The following PRDM5 variants were observed in gnomAD, a reference collection of about 807,000 sequenced individuals.
The protein encoded by PRDM5 is PR/SET domain 5.
A neutral mutation model predicts 81.2 loss-of-function variants in PRDM5; 56 were observed. The ratio of observed to expected loss-of-function variants is 0.69; its 90% confidence interval spans 0.56 to 0.86. The LOEUF (loss-of-function observed/expected upper bound fraction) is 0.86, where lower values mean the gene tolerates loss of function less well. Ranked by LOEUF, PRDM5 falls within the 40% of genes least tolerant of loss-of-function variation. The pLI, the probability that PRDM5 is intolerant of heterozygous loss-of-function variation, is 0.00. For synonymous variants in PRDM5, 267 were observed against 256.4 expected (o/e 1.04, Z -0.39); for missense variants, 697 against 770.1 (o/e 0.91, Z 1.12).
rs1359031479 is a variant in PRDM5 at position 120,887,854 on chromosome 4, G to A, written c.177+19620C>T. 2.8e-5 allele frequency among the ~76,000 whole-genome samples: 3 copies of A among 105,824 alleles called. 1 individual carries two copies. Among genetic ancestry groups the A allele is most frequent in the Admixed American group, 9.0e-5 (1 of 11,126 alleles). The allele number at this position is 105,824 out of a possible 152,430, so 69.4% of individuals were successfully genotyped here. A position where few individuals can be genotyped will look rare whatever the true frequency, so the allele number is the denominator to read the frequency against. ...GTCGCCCAGGCTGGAGTGCAGTGGC[G>A]CAATCTCGGCTCACTGCAAGCTCCG... On this transcript the variant is annotated intron_variant, in intron 2 of 15. Coordinates refer to ENST00000264808, the MANE Select transcript of PRDM5 (RefSeq NM_018699.4).
At chr4:120,750,121 T>A (rs1438667138) in intron 14 of PRDM5, among the ~76,000 whole-genome samples, 1 of 151,508 alleles carries the variant, frequency 6.6e-6, no homozygotes, top group African/African-American at 2.5e-5. Context: ...TGCATTTAAT[T>A]GGATTTAATT....
intron 2 of PRDM5, among the ~76,000 whole-genome samples, chr4:120,859,182 C>T (rs1760267463): frequency 6.6e-6 from 1 of 151,466 alleles, no homozygotes; most frequent in African/African-American, 2.4e-5. Context: ...TTCAATGGCA[C>T]AGCTGGGAAC....
At chr4:120,718,698 G>A (rs1209032366) in intron 14 of PRDM5, among the ~76,000 whole-genome samples, 2 of 152,192 alleles carry the variant, frequency 1.3e-5, no homozygotes, top group Non-Finnish European at 2.9e-5. Context: ...AAATCCATGA[G>A]GCACAGATTT....
chr4:120,798,796 C>T (rs1205708596), intron 9 of PRDM5, among the ~76,000 whole-genome samples: 1 of 152,178 alleles, frequency 6.6e-6, no homozygotes, highest in African/African-American at 2.4e-5. Context: ...GAGCTGCCTT[C>T]CCCCAGGGCC....
At chr4:120,905,215 A>G (rs1765662910) in intron 2 of PRDM5, among the ~76,000 whole-genome samples, 1 of 152,118 alleles carries the variant, frequency 6.6e-6, no homozygotes, top group Admixed American at 6.5e-5. Context: ...CACTGAAGAA[A>G]CCTTTCAGAA....
At position 120,916,965 on chromosome 4, in the gene PRDM5, T is replaced by C. The variant is rs138759602; in HGVS notation, c.93+5551A>G. Among the ~76,000 whole-genome samples the C allele has an allele frequency of 4.3e-3, 660 of 152,360 alleles. 6 individuals are homozygous for C. The highest frequency in any genetic ancestry group is 0.016 in the African/African-American group (649 of 41,576). On this transcript the variant is annotated intron_variant, in intron 1 of 15. Transcript: ENST00000264808. The stretch of plus-strand genomic sequence containing the variant: ...TTACACACTTGCCCTGTGGCAAACT[T>C]TTCTCAACAGAACAGCCAGAGTCAT...
chr4:120,819,610 T>C (rs1006648527), intron 4 of PRDM5, among the ~76,000 whole-genome samples: 7 of 152,168 alleles, frequency 4.6e-5, no homozygotes, highest in Non-Finnish European at 7.3e-5. Flanking sequence ...AAGTTTCTGT[T>C]GATTCTTTTT....
chr4:120,725,236 C>T (rs572873412), intron 14 of PRDM5, among the ~76,000 whole-genome samples: 1 of 150,406 alleles, frequency 6.6e-6, no homozygotes, highest in East Asian at 1.9e-4. Context: ...AGAAAATTAG[C>T]ATCTTTACTA....
intron 14 of PRDM5, among the ~76,000 whole-genome samples, chr4:120,744,917 C>T (rs2149121710): frequency 8.4e-6 from 1 of 118,862 alleles, no homozygotes; most frequent in East Asian, 2.4e-4. Context: ...GGGAATCCTC[C>T]CTAACTCATT....
intron 14 of PRDM5, among the ~76,000 whole-genome samples, chr4:120,732,465 T>C (rs76491248): frequency 0.07 from 10,662 of 152,202 alleles, 481 homozygotes; most frequent in South Asian, 0.16. Flanking sequence ...CAAATTCCAA[T>C]AGTAATAACA....
At position 120,798,260 on chromosome 4, in the gene PRDM5, GT is replaced by G; in HGVS notation, c.1188+6del. 6.5e-7 allele frequency: 1 copy of G among 1,542,386 alleles called. No homozygotes were observed. The highest frequency in any genetic ancestry group is 8.8e-7 in the Non-Finnish European group (1 of 1,138,922). On this transcript the variant is annotated splice_donor_region_variant and intron_variant, in intron 10 of 15. Coordinates refer to ENST00000264808, the MANE Select transcript of PRDM5 (RefSeq NM_018699.4). ...TAAAAAATAATAATAATATTAATAA[GT>G]TTTACCTTCTTATGATTCTTGTAAA...
At chr4:120,864,084 C>T (rs748613470) in intron 2 of PRDM5, among the ~76,000 whole-genome samples, 19 of 152,122 alleles carry the variant, frequency 1.2e-4, no homozygotes, top group Non-Finnish European at 2.2e-4. Context: ...TACACTGCTG[C>T]ATGGAGGAAG....
chr4:120,698,652 C>T (rs1734874494), intron 15 of PRDM5, among the ~76,000 whole-genome samples: 1 of 152,180 alleles, frequency 6.6e-6, no homozygotes, highest in South Asian at 2.1e-4. Flanking sequence ...CTTACTATGT[C>T]TAAAACTGAA....
chr4:120,890,710 C>T (rs1763953232), intron 2 of PRDM5, among the ~76,000 whole-genome samples: 1 of 152,204 alleles, frequency 6.6e-6, no homozygotes, highest in South Asian at 2.1e-4. Context: ...ATTTGCATAT[C>T]TCTAATGATT....
At chr4:120,781,771 G>T (rs1578710902) in intron 11 of PRDM5, among the ~76,000 whole-genome samples, 1 of 152,272 alleles carries the variant, frequency 6.6e-6, no homozygotes, top group East Asian at 1.9e-4. Context: ...GAGGAGGAAA[G>T]CCTCTGAGGG....
chr4:120,728,677 C>T (rs1388087215), intron 14 of PRDM5, among the ~76,000 whole-genome samples: 1 of 152,130 alleles, frequency 6.6e-6, no homozygotes, highest in East Asian at 1.9e-4. Flanking sequence ...CCGCCCCCTG[C>T]CCCTTACATA....
At chr4:120,816,293 A>C (rs1215915227) in intron 7 of PRDM5, 160 bp downstream of exon 7, 1 of 1,067,776 alleles carries the variant, frequency 9.4e-7, no homozygotes, top group East Asian at 2.6e-5. Flanking sequence ...AGAAAGAAAT[A>C]GTGTTCAGTG....
At chr4:120,767,673 G>A (rs1398421986) in intron 13 of PRDM5, among the ~76,000 whole-genome samples, 1 of 152,144 alleles carries the variant, frequency 6.6e-6, no homozygotes, top group African/African-American at 2.4e-5. Context: ...TCCTCTGTAT[G>A]TTACTGCCCA....
In PRDM5 at chr4:120,798,400, AT is replaced by A; in HGVS notation, c.1054del (p.Ile352PhefsTer17). 6.2e-7 allele frequency: 1 copy of A among 1,611,254 alleles called. No individual in the cohort carries two copies. The highest frequency in any genetic ancestry group is 8.5e-7 in the Non-Finnish European group (1 of 1,177,964). On this transcript the variant is annotated frameshift_variant, in exon 10 of 16. Coordinates refer to ENST00000264808, the MANE Select transcript of PRDM5 (RefSeq NM_018699.4). LOFTEE classifies it high-confidence loss of function. ...AAGCCTCTTGAAAGACTTATTACAA[AT>A]CTCGCAATTATAGGGTCGTTTTTCT... is the stretch of plus-strand genomic sequence containing the variant. ...HSEKRPYNCE[I>X]CNKSFKRLDQ...
Sources: allele counts gnomAD v4.1 joint callset (sites outside exome capture counted in the v4.1 genomes callset), GRCh38; gene constraint gnomAD v4.1.1; transcripts MANE v1.5; gene names NCBI Gene and HGNC (gene_info 2026-07-23, HGNC 2026-07-21).